NCOA2: variants seen among roughly 807,000 people sequenced by gnomAD.
NCOA2 encodes class E basic helix-loop-helix protein 75.
Under a neutral mutation model 145.1 loss-of-function variants are expected in NCOA2, and 21 were observed. The observed-to-expected ratio is 0.14, with a 90% confidence interval of 0.10 to 0.21. NCOA2 has a LOEUF of 0.21. Ranked by LOEUF, NCOA2 falls within the 10% of genes least tolerant of loss-of-function variation. NCOA2 has a pLI of 1.00. For missense variants in NCOA2, 1,472 were observed against 1,837.6 expected (o/e 0.80, Z 3.64); for synonymous variants, 619 against 637.5 (o/e 0.97, Z 0.44).
At chr8:70,321,793 CT>C (rs559680322) in intron 1 of NCOA2, among the ~76,000 whole-genome samples, 1,892 of 73,364 alleles carry the variant, frequency 0.026, 17 homozygotes, top group African/African-American at 0.11. Context: ...CAGAATATAC[CT>C]TTTTTTTTTT....
At chr8:70,183,506 A>G (rs970067048) in intron 4 of NCOA2, among the ~76,000 whole-genome samples, 2 of 152,284 alleles carry the variant, frequency 1.3e-5, no homozygotes, top group African/African-American at 2.4e-5. Flanking sequence ...CTAAATCACA[A>G]TTCTGTTTAT....
In NCOA2 at chr8:70,209,177, CTCT is replaced by C. The variant is rs1411053309; in HGVS notation, c.259+4723_259+4725del. Among the ~76,000 whole-genome samples, 3 of 152,312 alleles carry C rather than the reference CTCT, an allele frequency of 2.0e-5. No homozygotes were observed. The East Asian group carries it at 5.8e-4, about 29-fold the overall frequency. On this transcript the variant is annotated intron_variant, in intron 4 of 22. Coordinates refer to ENST00000452400, the MANE Select transcript of NCOA2 (RefSeq NM_006540.4). Reference sequence around the variant, plus strand: ...TTCCTGACTTCAGTGGAGGAAGTAACTCTAGATGCAGTGGAAATAACAAGAGAA... The same window carrying C: ...TTCCTGACTTCAGTGGAGGAAGTAACAGATGCAGTGGAAATAACAAGAGAA...
intron 1 of NCOA2, among the ~76,000 whole-genome samples, chr8:70,324,952 T>A (rs1478012745): frequency 1.3e-5 from 2 of 152,242 alleles, no homozygotes; most frequent in Non-Finnish European, 2.9e-5. Flanking sequence ...CACCACTATC[T>A]CTACCCCCAT....
intron 12 of NCOA2, among the ~76,000 whole-genome samples, chr8:70,145,614 C>G (rs1412625507): frequency 7.0e-6 from 1 of 142,472 alleles, no homozygotes; most frequent in Admixed American, 6.9e-5. Context: ...AGCCACTGTG[C>G]CCAGCCCTTT....
chr8:70,441,992 GA>G, the NCOA2 span, among the ~76,000 whole-genome samples: 1 of 134,852 alleles, frequency 7.4e-6, no homozygotes, highest in Non-Finnish European at 1.6e-5. Context: ...AAGAGAGAAA[GA>G]AAGGAAAGAA....
At chr8:70,222,917 CT>C (rs1244464842) in intron 2 of NCOA2, among the ~76,000 whole-genome samples, 3 of 152,176 alleles carry the variant, frequency 2.0e-5, no homozygotes, top group African/African-American at 7.2e-5. Context: ...CACATGATGG[CT>C]TCTACTTTCT....
the NCOA2 span, among the ~76,000 whole-genome samples, chr8:70,452,274 C>G: frequency 2.6e-5 from 4 of 152,164 alleles, no homozygotes; most frequent in Non-Finnish European, 4.4e-5. Flanking sequence ...TTCACCTGGA[C>G]TGTTAAATAA....
At chr8:70,229,784 G>A (rs995094161) in intron 2 of NCOA2, among the ~76,000 whole-genome samples, 9 of 152,242 alleles carry the variant, frequency 5.9e-5, no homozygotes, top group South Asian at 2.1e-4. Flanking sequence ...AGGAGACTTC[G>A]GAGGTGAAGC....
At chr8:70,137,873 G>A (rs1809922098) in intron 15 of NCOA2, 1 of 175,832 alleles carries the variant, frequency 5.7e-6, no homozygotes, top group South Asian at 1.9e-4. Context: ...CATCTGAAAT[G>A]AGACCTTTTC....
chr8:70,336,785 G>C (rs1807636947), intron 1 of NCOA2, among the ~76,000 whole-genome samples: 1 of 152,108 alleles, frequency 6.6e-6, no homozygotes, highest in Non-Finnish European at 1.5e-5. Context: ...GATGAGATTT[G>C]GGTGGGACAC....
At chr8:70,277,930 C>A (rs1176916899) in intron 2 of NCOA2, among the ~76,000 whole-genome samples, 3 of 152,000 alleles carry the variant, frequency 2.0e-5, no homozygotes, top group Non-Finnish European at 4.4e-5. Flanking sequence ...CCATACAATT[C>A]ATCAATTTAA....
intron 1 of NCOA2, among the ~76,000 whole-genome samples, chr8:70,331,504 G>A (rs1392727165): frequency 6.6e-6 from 1 of 151,950 alleles, no homozygotes; most frequent in African/African-American, 2.4e-5. Context: ...AGAGTTCATA[G>A]CTACAAGTAA....
chr8:70,404,257 G>A (rs969584451), upstream of NCOA2, among the ~76,000 whole-genome samples: 1 of 152,332 alleles, frequency 6.6e-6, no homozygotes, highest in Admixed American at 6.5e-5. Context: ...GCATGGGAGG[G>A]CAAAGGGCAA....
chr8:70,382,521 G>A (rs1812296021), intron 1 of NCOA2, among the ~76,000 whole-genome samples: 1 of 152,170 alleles, frequency 6.6e-6, no homozygotes, highest in Non-Finnish European at 1.5e-5. Context: ...TGTTGCACCA[G>A]GTCCACCAAC....
chr8:70,139,644 CTTTTTTTTTTTT>C (rs911504754), intron 14 of NCOA2, among the ~76,000 whole-genome samples: 2 of 91,862 alleles, frequency 2.2e-5, no homozygotes, highest in Admixed American at 1.2e-4. Flanking sequence ...CGCTGGCCAT[CTTTTTTTTTTTT>C]TTTTTTTTTT....
intron 4 of NCOA2, among the ~76,000 whole-genome samples, chr8:70,179,430 G>T (rs1003898348): frequency 1.3e-5 from 2 of 152,254 alleles, no homozygotes; most frequent in African/African-American, 4.8e-5. Flanking sequence ...GAAAAGAAGG[G>T]AGGAAGGGAG....
At chr8:70,343,687 G>A (rs187782006) in intron 1 of NCOA2, among the ~76,000 whole-genome samples, 1 of 151,948 alleles carries the variant, frequency 6.6e-6, no homozygotes, top group Non-Finnish European at 1.5e-5. Flanking sequence ...GGTGGCGGGT[G>A]CCTGTAATCC....
intron 2 of NCOA2, among the ~76,000 whole-genome samples, chr8:70,238,243 C>G (rs1344053079): frequency 6.6e-6 from 1 of 152,110 alleles, no homozygotes; most frequent in East Asian, 1.9e-4. Flanking sequence ...AGGAATATTT[C>G]ACAGACAAGA....
At chr8:70,235,143 A>T (rs954511194) in intron 2 of NCOA2, among the ~76,000 whole-genome samples, 1 of 152,230 alleles carries the variant, frequency 6.6e-6, no homozygotes, top group Non-Finnish European at 1.5e-5. Context: ...TTCAGCCTTA[A>T]AGAGGAGTAT....
Sources: allele counts gnomAD v4.1 joint callset (sites outside exome capture counted in the v4.1 genomes callset), GRCh38; gene constraint gnomAD v4.1.1; transcripts MANE v1.5; gene names NCBI Gene and HGNC (gene_info 2026-07-23, HGNC 2026-07-21).